TATDN1: variants seen among roughly 807,000 people sequenced by gnomAD.
The protein encoded by TATDN1 is TatD DNase domain containing 1, also known as deoxyribonuclease TATDN1.
TATDN1 carries 40 observed loss-of-function variants against 46.4 expected under a neutral mutation model. That is an observed-to-expected ratio of 0.86 (90% CI 0.67 to 1.12). The LOEUF (loss-of-function observed/expected upper bound fraction) is 1.12. TATDN1 is among the 50% of genes most tolerant of loss of function. The pLI, the probability that TATDN1 is intolerant of heterozygous loss-of-function variation, is 0.00. For missense variants in TATDN1, 326 were observed against 348.4 expected, an observed-to-expected ratio of 0.94 and a Z score of 0.51; for synonymous variants, 95 against 105.6, an observed-to-expected ratio of 0.90 and a Z score of 0.62.
At chr8:124,521,491 C>A (rs565736100) in intron 3 of TATDN1, 1 of 152,150 alleles carries the variant, frequency 6.6e-6, no homozygotes, top group South Asian at 2.1e-4. Flanking sequence ...TGAATAATAA[C>A]AAATAAAAGT....
At chr8:124,509,083 G>A (rs1818785143) in intron 6 of TATDN1, among the ~76,000 whole-genome samples, 1 of 152,130 alleles carries the variant, frequency 6.6e-6, no homozygotes, top group Non-Finnish European at 1.5e-5. Flanking sequence ...TTGCCACTGG[G>A]CAAAATGAAC....
chr8:124,523,257 A>T (rs1820213385), intron 1 of TATDN1: 3 of 438,692 alleles, frequency 6.8e-6, no homozygotes, highest in Non-Finnish European at 1.2e-5. Context: ...AAATATTAGA[A>T]GTAAACACTG....
At chr8:124,494,267 T>G (rs1191939540) in intron 10 of TATDN1, 1 of 176,350 alleles carries the variant, frequency 5.7e-6, no homozygotes, top group South Asian at 1.9e-4. Context: ...AGTTAAACAG[T>G]TTTTTTTTCA....
chr8:124,495,672 G>C, intron 9 of TATDN1, 130 bp from the exon 10 acceptor site: 2 of 658,626 alleles, frequency 3.0e-6, no homozygotes, highest in Non-Finnish European at 5.1e-6. Flanking sequence ...GTATACTTTG[G>C]AAAGTATTTG....
chr8:124,501,654 G>A (rs1414446763), intron 9 of TATDN1, among the ~76,000 whole-genome samples: 3 of 151,972 alleles, frequency 2.0e-5, no homozygotes, highest in African/African-American at 4.8e-5. Flanking sequence ...CATAAAAAGG[G>A]TTACAAAATA....
At chr8:124,507,062 T>C (rs1161781665) in intron 8 of TATDN1, among the ~76,000 whole-genome samples, 1 of 151,880 alleles carries the variant, frequency 6.6e-6, no homozygotes, top group Non-Finnish European at 1.5e-5. Flanking sequence ...CTTGGGAGGC[T>C]GAGGCAGGAG....
intron 1 of TATDN1, among the ~76,000 whole-genome samples, chr8:124,535,110 C>A (rs1821316606): frequency 6.6e-6 from 1 of 152,198 alleles, no homozygotes; most frequent in Non-Finnish European, 1.5e-5. Flanking sequence ...AAACTTCCAA[C>A]TCTCTAATCA....
Position 124,515,783 on chromosome 8 carries a change from C to G in TATDN1, c.352G>C (p.Asp118His). ...VAIGECGLDF[D>H]RLQFCPKDTQ... Reference sequence around the variant, plus strand: ...TCTTTGGGACAAAACTGCAGTCGGTCAAAATCTTTAAAAAGATAAAGAAGA... The same window carrying G: ...TCTTTGGGACAAAACTGCAGTCGGTGAAAATCTTTAAAAAGATAAAGAAGA... The change falls in exon 6 of 12, where the codon GAC becomes CAC. Residue 118 changes from aspartate (D) to histidine (H), a missense_variant. Coordinates refer to ENST00000276692, the MANE Select transcript of TATDN1 (RefSeq NM_032026.4). 6.2e-7 allele frequency: 1 copy of G among 1,613,736 alleles called. No homozygotes were observed. The highest frequency in any genetic ancestry group is 8.5e-7 in the Non-Finnish European group (1 of 1,179,848).
At chr8:124,527,611 C>T (rs530314736) in intron 1 of TATDN1, among the ~76,000 whole-genome samples, 56 of 152,088 alleles carry the variant, frequency 3.7e-4, no homozygotes, top group Middle Eastern at 6.8e-3. Context: ...ACTTAGCTTT[C>T]AGAGTTTTTC....
chr8:124,514,342 G>A (rs994568065), intron 6 of TATDN1, among the ~76,000 whole-genome samples: 2 of 152,108 alleles, frequency 1.3e-5, no homozygotes, highest in Non-Finnish European at 2.9e-5. Flanking sequence ...CAAGTCACTG[G>A]CTTAATCATA....
intron 1 of TATDN1, 94 bp downstream of exon 1, chr8:124,538,931 G>A (rs1344255957): frequency 2.0e-6 from 3 of 1,500,856 alleles, no homozygotes; most frequent in African/African-American, 2.8e-5. Flanking sequence ...CCCTTACAAT[G>A]CCGGAGGGCG....
intron 11 of TATDN1, among the ~76,000 whole-genome samples, 183 bp downstream of exon 11, chr8:124,493,650 A>G (rs143641152): frequency 2.6e-5 from 4 of 152,384 alleles, no homozygotes; most frequent in African/African-American, 9.6e-5. Context: ...AGGAAGCTGC[A>G]GTGAGAATGG....
intron 9 of TATDN1, among the ~76,000 whole-genome samples, chr8:124,497,671 A>G (rs907196256): frequency 2.0e-5 from 3 of 152,046 alleles, no homozygotes; most frequent in Admixed American, 6.6e-5. Flanking sequence ...GGGGAAGACT[A>G]TTTCACAGGT....
At chr8:124,529,606 T>C (rs1215988227) in intron 1 of TATDN1, among the ~76,000 whole-genome samples, 1 of 152,224 alleles carries the variant, frequency 6.6e-6, no homozygotes. Context: ...GAGGATGTCT[T>C]AATTAGCAGA....
rs952333045 is a variant in TATDN1, at chr8:124,488,665, C to G, written c.823G>C (p.Asp275His). The stretch of plus-strand genomic sequence containing the variant: ...TTGGCTAATTCCAGTGGATCCTCAT[C>G]TCTCACTGCTGACATTATCTCCAAT... ...QILEIMSAVR[D>H]EDPLELANTL... The change falls in exon 12 of 12, where the codon GAT becomes CAT. Residue 275 changes from aspartate (D) to histidine (H), a missense_variant. Physicochemically the swap from Asp to His is moderately conservative, Grantham distance 81. Coordinates refer to ENST00000276692, the MANE Select transcript of TATDN1 (RefSeq NM_032026.4). The G allele has an allele frequency of 1.9e-6, 3 of 1,606,594 alleles. No individual in the cohort carries two copies. The highest frequency in any genetic ancestry group is 2.6e-6 in the Non-Finnish European group (3 of 1,174,066).
At chr8:124,520,216 C>G (rs1819904550) in intron 3 of TATDN1, among the ~76,000 whole-genome samples, 1 of 152,146 alleles carries the variant, frequency 6.6e-6, no homozygotes, top group African/African-American at 2.4e-5. Flanking sequence ...GCAGATGGAT[C>G]ACCCGTGGTC....
chr8:124,538,916 T>A, intron 1 of TATDN1, 109 bp downstream of exon 1: 1 of 1,380,542 alleles, frequency 7.2e-7, no homozygotes, highest in Non-Finnish European at 1.0e-6. Flanking sequence ...GAGCGGCCCT[T>A]TCAACCCTTA....
intron 3 of TATDN1, 66 bp from the exon 4 acceptor site, chr8:124,518,947 G>T: frequency 9.7e-7 from 1 of 1,027,426 alleles, no homozygotes; most frequent in African/African-American, 1.6e-5. Context: ...TCCTAAACAT[G>T]CCTTCCTACC....
At chr8:124,523,395 G>A (rs1483412473) in intron 1 of TATDN1, 1 of 175,350 alleles carries the variant, frequency 5.7e-6, no homozygotes, top group African/African-American at 2.4e-5. Context: ...TGGAAGAGAG[G>A]TAACTGCACA....
Sources: allele counts gnomAD v4.1 joint callset (sites outside exome capture counted in the v4.1 genomes callset), GRCh38; gene constraint gnomAD v4.1.1; transcripts MANE v1.5; gene names NCBI Gene and HGNC (gene_info 2026-07-23, HGNC 2026-07-21).